Variants in GPAM observed in about 807,000 individuals in gnomAD.
GPAM encodes glycerol-3-phosphate acyltransferase, mitochondrial, also known as glycerol-3-phosphate acyltransferase 1, mitochondrial.
In GPAM, 56 loss-of-function variants were observed where a neutral mutation model predicts 105.0. The observed-to-expected ratio is 0.53, with a 90% CI of 0.43 to 0.67. The LOEUF is 0.67. Ranked by LOEUF, GPAM falls within the 30% of genes least tolerant of loss-of-function variation. GPAM has a pLI of 0.00. For missense variants in GPAM, 855 were observed against 989.8 expected (o/e 0.86, Z 1.83); for synonymous variants, 368 against 354.4 (o/e 1.04, Z -0.43).
intron 9 of GPAM, among the ~76,000 whole-genome samples, chr10:112,171,267 A>G (rs1053390539): frequency 2.6e-5 from 4 of 151,998 alleles, no homozygotes; most frequent in African/African-American, 4.8e-5. Context: ...CTCCCCCTCT[A>G]TTGAGCCCCC....
At chr10:112,194,948 T>C (rs1847705535) in intron 1 of GPAM, among the ~76,000 whole-genome samples, 1 of 152,156 alleles carries the variant, frequency 6.6e-6, no homozygotes, top group Non-Finnish European at 1.5e-5. Context: ...TTTAAATAGC[T>C]TTAAACCCAT....
intron 12 of GPAM, 145 bp downstream of exon 12, chr10:112,166,257 A>C (rs913796265): frequency 1.3e-5 from 9 of 678,312 alleles, no homozygotes; most frequent in Admixed American, 1.3e-4. Context: ...AATTTAGGCA[A>C]CACCACCTTT....
chr10:112,150,484 C>A lies in GPAM; in HGVS notation c.*3066G>T. 1 of 985,430 alleles carries A rather than the reference C, an allele frequency of 1.0e-6. No individual in the cohort carries two copies. The highest frequency in any genetic ancestry group is 1.2e-6 in the Non-Finnish European group (1 of 829,562). 61.0% of individuals were successfully genotyped at this position (985,430 alleles called of 1,614,324 possible). ...GAGGAAATACACATCTATTCAACGCCACACTGGACGTTACAAAATGCATGC... is the reference window on the plus strand; with the variant it reads ...GAGGAAATACACATCTATTCAACGCAACACTGGACGTTACAAAATGCATGC... On this transcript the variant is annotated 3_prime_UTR_variant, in exon 22 of 22. Transcript: ENST00000348367.
chr10:112,194,309 G>A (rs1020330005), intron 1 of GPAM, among the ~76,000 whole-genome samples: 1 of 152,166 alleles, frequency 6.6e-6, no homozygotes, highest in Non-Finnish European at 1.5e-5. Context: ...TGACACTTCT[G>A]GTTGGACTGA....
Position 112,149,958 on chromosome 10 carries a change from T to C in GPAM, c.*3592A>G, listed in dbSNP as rs1846886077. 2 of 985,518 alleles carry C rather than the reference T, an allele frequency of 2.0e-6. No individual in the cohort carries two copies. The highest frequency in any genetic ancestry group is 1.2e-4 in the Admixed American group (2 of 16,272). The allele number at this position is 985,518 out of a possible 1,614,324, so 61.0% of individuals were successfully genotyped here. A position where few individuals can be genotyped will look rare whatever the true frequency, so the allele number is the denominator to read the frequency against. ...ATAAAAATCAATCAGCATTTCCAAG[T>C]ATGTTTTGCTCACAAAATCGCAGTT... On this transcript the variant is annotated 3_prime_UTR_variant, in exon 22 of 22. Coordinates refer to ENST00000348367, the MANE Select transcript of GPAM (RefSeq NM_001244949.2).
chr10:112,208,228 A>G (rs540028662), intron 1 of GPAM, among the ~76,000 whole-genome samples: 2 of 152,230 alleles, frequency 1.3e-5, no homozygotes, highest in Non-Finnish European at 2.9e-5. Flanking sequence ...CATCTTTTGC[A>G]GCAGTCTCTA....
At chr10:112,167,810 T>C (rs530917078) in intron 11 of GPAM, among the ~76,000 whole-genome samples, 6 of 152,350 alleles carry the variant, frequency 3.9e-5, no homozygotes, top group East Asian at 1.9e-4. Context: ...TAATTCAAGC[T>C]ACATGCCTAT....
intron 9 of GPAM, among the ~76,000 whole-genome samples, chr10:112,171,450 A>G (rs1847311383): frequency 6.6e-6 from 1 of 152,206 alleles, no homozygotes; most frequent in Non-Finnish European, 1.5e-5. Flanking sequence ...CTTTCAAAAT[A>G]CAAACCTGAA....
At chr10:112,221,815 A>G in the GPAM span, among the ~76,000 whole-genome samples, 3 of 152,242 alleles carry the variant, frequency 2.0e-5, no homozygotes, top group East Asian at 1.9e-4. Flanking sequence ...ATAACAGGGA[A>G]TATGACTATG....
At chr10:112,186,461 A>G (rs910134413), upstream of GPAM, among the ~76,000 whole-genome samples, 6 of 152,058 alleles carry the variant, frequency 3.9e-5, no homozygotes, top group African/African-American at 1.4e-4. Flanking sequence ...GAATCTATGC[A>G]AAGGAATTAA....
intron 18 of GPAM, among the ~76,000 whole-genome samples, chr10:112,157,626 T>A (rs1847041096): frequency 6.6e-6 from 1 of 152,128 alleles, no homozygotes; most frequent in Non-Finnish European, 1.5e-5. Context: ...CAAATAAAAG[T>A]ACCCCCACAT....
chr10:112,199,089 A>ATGTGTGTGTGTG lies in GPAM; in HGVS notation n.210+16067_210+16078dup, dbSNP rs34627276. Among the ~76,000 whole-genome samples the ATGTGTGTGTGTG allele has an allele frequency of 2.9e-3, 387 of 134,954 alleles. 2 individuals are homozygous for ATGTGTGTGTGTG. Among genetic ancestry groups the ATGTGTGTGTGTG allele is most frequent in the East Asian group, 0.021 (95 of 4,498 alleles). The allele number at this position is 134,954 out of a possible 152,430, so 88.5% of individuals were successfully genotyped here. On this transcript the variant is annotated intron_variant and non_coding_transcript_variant, in intron 1 of 3. Transcript: ENST00000480130. ...AGACACACGCCGCCACGCCTGGCTA[A>ATGTGTGTGTGTG]TGTGTGTGTGTGTGTGTGTGTGTGT...
In GPAM at chr10:112,168,912, T is replaced by G. The variant is rs1249662771; in HGVS notation, c.835A>C (p.Arg279=). The G allele has an allele frequency of 6.2e-7, 1 of 1,611,918 alleles. No homozygotes were observed. The highest frequency in any genetic ancestry group is 1.3e-5 in the African/African-American group (1 of 74,890). The change falls in exon 10 of 22, where the codon AGG becomes CGG. Residue 279 remains arginine, a synonymous_variant. Transcript: ENST00000348367. The stretch of plus-strand genomic sequence containing the variant: ...CGTCCATCTGGTGTTTCATCGAGCC[T>G]TCGTCGTATGAAGAAGCCCCCAAGC... ...HKLGGFFIRR[R]LDETPDGRKD...
At chr10:112,185,993 T>C (rs533556848), upstream of GPAM, among the ~76,000 whole-genome samples, 2 of 152,146 alleles carry the variant, frequency 1.3e-5, no homozygotes, top group South Asian at 2.1e-4. Flanking sequence ...ATGAAAACTT[T>C]CCAAATTTGA....
the GPAM span, among the ~76,000 whole-genome samples, chr10:112,225,163 A>C: frequency 6.6e-6 from 1 of 152,128 alleles, no homozygotes; most frequent in East Asian, 1.9e-4. Flanking sequence ...TCTGGTCTAG[A>C]ATGCAGGATG....
At position 112,182,475 on chromosome 10, in the gene GPAM, G is replaced by T. The variant is rs1847526814; in HGVS notation, c.-30+319C>A. On this transcript the variant is annotated intron_variant, in intron 2 of 21. Coordinates refer to ENST00000348367, the MANE Select transcript of GPAM (RefSeq NM_001244949.2). ...TTCGATAAGCTTTTTTCTACCCTAA[G>T]GAAAAAGATTCACTAAGAGTAAACT... 6.6e-5 allele frequency among the ~76,000 whole-genome samples: 10 copies of T among 151,906 alleles called. No homozygotes were observed. The South Asian group carries it at 2.1e-3, about 32-fold the overall frequency.
Position 112,175,702 on chromosome 10 carries a change from C to A in GPAM, c.311G>T (p.Trp104Leu). 1 of 1,607,216 alleles carries A rather than the reference C, an allele frequency of 6.2e-7. No individual in the cohort carries two copies. The change falls in exon 6 of 22, where the codon TGG becomes TTG. Residue 104 changes from tryptophan to leucine, a missense_variant. Physicochemically the swap from Trp to Leu is moderately conservative, Grantham distance 61. Coordinates refer to ENST00000348367, the MANE Select transcript of GPAM (RefSeq NM_001244949.2). ...AACGTAAGAAAGGCGTCTTGCAAGC[C>A]ATCCGCGGTGTCTGTGAAAATGATT... ...INETHTRHRG[W>L]LARRLSYVLF... is the part of the protein sequence containing the mutation.
intron 14 of GPAM, among the ~76,000 whole-genome samples, chr10:112,162,783 G>T (rs1199574406): frequency 6.6e-6 from 1 of 152,066 alleles, no homozygotes; most frequent in Non-Finnish European, 1.5e-5. Context: ...GGTTATTTGG[G>T]TAATGGGTTT....
At chr10:112,172,108 G>T in intron 9 of GPAM, 74 bp downstream of exon 9, 5 of 1,078,718 alleles carry the variant, frequency 4.6e-6, no homozygotes, top group Non-Finnish European at 7.1e-6. Context: ...CATATCGAAA[G>T]CTATAATTTA....
Sources: allele counts gnomAD v4.1 joint callset (sites outside exome capture counted in the v4.1 genomes callset), GRCh38; gene constraint gnomAD v4.1.1; transcripts MANE v1.5; gene names NCBI Gene and HGNC (gene_info 2026-07-23, HGNC 2026-07-21).